The following MAP3K14 variants were observed in gnomAD, a reference collection of about 807,000 sequenced individuals.
MAP3K14 encodes mitogen-activated protein kinase kinase kinase 14, also known as NF-kappa-beta-inducing kinase.
MAP3K14 carries 16 observed loss-of-function variants against 99.2 expected under a neutral mutation model. That is an observed-to-expected ratio of 0.16 (90% CI 0.11 to 0.24). The LOEUF (loss-of-function observed/expected upper bound fraction) is 0.24, where lower values mean the gene tolerates loss of function less well. Ranked by LOEUF, MAP3K14 falls within the 10% of genes least tolerant of loss-of-function variation. The probability of loss-of-function intolerance (pLI) is 1.00; values close to 1 mark genes in which losing one functional copy is unlikely to be tolerated. For synonymous variants in MAP3K14, 462 were observed against 492.4 expected, an observed-to-expected ratio of 0.94 and a Z score of 0.82; for missense variants, 784 against 1,208.7, an observed-to-expected ratio of 0.65 and a Z score of 5.21.
rs546776472 is a variant in MAP3K14 at position 45,270,972 on chromosome 17, A to C, written c.1821+86T>G. ...CAGGCCTCCCCTTGCTCCATCTGCC[A>C]CCGCAGAGCAGCCCCTCCAGCCTGC... On this transcript the variant is annotated intron_variant, in intron 10 of 15. Coordinates refer to ENST00000344686, the MANE Select transcript of MAP3K14 (RefSeq NM_003954.5). 4.1e-5 allele frequency: 62 copies of C among 1,517,004 alleles called. No homozygotes were observed. In the South Asian group the frequency reaches 7.2e-4, roughly 18 times the overall value. The allele number at this position is 1,517,004 out of a possible 1,614,324, so 94.0% of individuals were successfully genotyped here. A position where few individuals can be genotyped will look rare whatever the true frequency, so the allele number is the denominator to read the frequency against.
intron 1 of MAP3K14, among the ~76,000 whole-genome samples, chr17:45,300,619 C>T (rs1461496352): frequency 6.6e-6 from 1 of 152,138 alleles, no homozygotes; most frequent in Non-Finnish European, 1.5e-5. Flanking sequence ...CAGGAAGTTC[C>T]TCCCATCAGC....
At chr17:45,311,620 T>TC (rs1393318812) in intron 1 of MAP3K14, among the ~76,000 whole-genome samples, 1 of 152,140 alleles carries the variant, frequency 6.6e-6, no homozygotes, top group East Asian at 1.9e-4. Context: ...CAAATCCTGG[T>TC]CCTAGAAGTG....
chr17:45,303,644 C>T (rs2143858441), intron 1 of MAP3K14, among the ~76,000 whole-genome samples: 1 of 152,224 alleles, frequency 6.6e-6, no homozygotes, highest in South Asian at 2.1e-4. Flanking sequence ...AAAATCCCGG[C>T]ACCGTCCCGT....
chr17:45,283,227 A>T (rs1339657513), intron 6 of MAP3K14, among the ~76,000 whole-genome samples: 1 of 152,076 alleles, frequency 6.6e-6, no homozygotes, highest in Non-Finnish European at 1.5e-5. Context: ...CTCTCCTCCC[A>T]CCACCTCTCA....
chr17:45,266,960 C>T (rs1438449456), intron 13 of MAP3K14, 132 bp downstream of exon 13: 2 of 737,232 alleles, frequency 2.7e-6, no homozygotes, highest in African/African-American at 3.5e-5. Context: ...AGGGGTGACC[C>T]CCATCACCCT....
At chr17:45,293,947 C>A (rs528623521) in intron 1 of MAP3K14, among the ~76,000 whole-genome samples, 1 of 152,260 alleles carries the variant, frequency 6.6e-6, no homozygotes, top group Non-Finnish European at 1.5e-5. Context: ...TCCAGGACTA[C>A]TGGCCAGGGG....
intron 1 of MAP3K14, among the ~76,000 whole-genome samples, chr17:45,301,687 A>G (rs1468295079): frequency 1.3e-5 from 2 of 152,290 alleles, no homozygotes; most frequent in East Asian, 3.9e-4. Context: ...GGTATATTAC[A>G]ATGATATTTA....
rs773921651 is a variant in MAP3K14, at chr17:45,273,536, G to C, written c.1624C>G (p.Gln542Glu). ...LCDFGHAVCL[Q>E]PDGLGKSLLT... is the part of the protein sequence containing the mutation. The stretch of plus-strand genomic sequence containing the variant: ...AAGGACTTTCCCAGGCCATCAGGTT[G>C]AAGACACACAGCATGGCCAAAGTCA... The change falls in exon 9 of 16, where the codon CAA becomes GAA. Residue 542 changes from glutamine (Q) to glutamate (E), a missense_variant. Gln to Glu is a conservative substitution (Grantham distance 29). Around this residue, in one of 5 missense-constraint regions of MAP3K14, gnomAD observed 200 missense variants for 367.9 expected, o/e 0.54. Transcript: ENST00000344686. 1 of 1,613,312 alleles carries C rather than the reference G, an allele frequency of 6.2e-7. No homozygotes were observed.
chr17:45,270,987 C>T, intron 10 of MAP3K14, 71 bp downstream of exon 10: 2 of 1,552,372 alleles, frequency 1.3e-6, no homozygotes, highest in Non-Finnish European at 8.7e-7. Context: ...AGAGCAGCCC[C>T]TCCAGCCTGC....
chr17:45,306,955 T>C (rs2044435069), intron 1 of MAP3K14, among the ~76,000 whole-genome samples: 1 of 152,186 alleles, frequency 6.6e-6, no homozygotes. Context: ...GTTTAATGTA[T>C]ATTGTATAAA....
At chr17:45,266,054 G>C (rs1012032278) in intron 14 of MAP3K14, among the ~76,000 whole-genome samples, 3 of 152,256 alleles carry the variant, frequency 2.0e-5, no homozygotes, top group African/African-American at 7.2e-5. Flanking sequence ...CCAAGCTGAT[G>C]ATGCCCTTGT....
In MAP3K14 at chr17:45,264,853, T is replaced by C. The variant is rs573236493; in HGVS notation, c.2680-53A>G. The C allele has an allele frequency of 1.9e-5, 30 of 1,575,480 alleles. 1 individual carries two copies. Among genetic ancestry groups the C allele is most frequent in the African/African-American group, 5.4e-5 (4 of 74,150 alleles). ...AGATCATGGCATAGGGCTCAAGCCA[T>C]GTAGAAAGGTAAAGACATCTCCTTC... is the stretch of plus-strand genomic sequence containing the variant. On this transcript the variant is annotated intron_variant, in intron 15 of 15. Coordinates refer to ENST00000344686, the MANE Select transcript of MAP3K14 (RefSeq NM_003954.5).
intron 6 of MAP3K14, among the ~76,000 whole-genome samples, chr17:45,279,120 C>T (rs1567991750): frequency 1.3e-5 from 2 of 152,208 alleles, no homozygotes; most frequent in African/African-American, 4.8e-5. Context: ...GAACTTCCCT[C>T]TTGTTTTCTT....
chr17:45,273,742 A>T (rs1317450612), intron 8 of MAP3K14, 135 bp from the exon 9 acceptor site: 1 of 731,334 alleles, frequency 1.4e-6, no homozygotes, highest in Admixed American at 2.0e-5. Flanking sequence ...GCTTCTGATT[A>T]GTTTCATTAA....
intron 1 of MAP3K14, among the ~76,000 whole-genome samples, chr17:45,301,129 C>T (rs924743515): frequency 1.3e-5 from 2 of 149,922 alleles, no homozygotes; most frequent in Admixed American, 6.6e-5. Context: ...GATTACGCCA[C>T]TGCACTCCAG....
intron 1 of MAP3K14, among the ~76,000 whole-genome samples, chr17:45,315,968 G>T (rs1214874164): frequency 6.6e-6 from 1 of 152,034 alleles, no homozygotes; most frequent in African/African-American, 2.4e-5. Context: ...CATTTTTCTT[G>T]GAATAAACTC....
At chr17:45,270,785 C>A in intron 10 of MAP3K14, 1 of 772,070 alleles carries the variant, frequency 1.3e-6, no homozygotes, top group Non-Finnish European at 2.0e-6. Context: ...CGCCCACAGC[C>A]TCCAGGCCCG....
chr17:45,263,740 G>A lies in MAP3K14; in HGVS notation c.*896C>T, dbSNP rs2044040840. 6.5e-6 allele frequency: 1 copy of A among 152,688 alleles called. No individual in the cohort carries two copies. The highest frequency in any genetic ancestry group is 1.9e-4 in the East Asian group (1 of 5,204). The allele number at this position is 152,688 out of a possible 1,614,324, so 9.5% of individuals were successfully genotyped here. On this transcript the variant is annotated 3_prime_UTR_variant, in exon 16 of 16. Transcript: ENST00000344686. ...CACTGATAGTGGGGCTGGGGCGCCG[G>A]AGCGTCTCTCTCTGCTGCTTTCCTT...
chr17:45,299,789 C>A (rs1185943137), intron 1 of MAP3K14, among the ~76,000 whole-genome samples: 5 of 152,124 alleles, frequency 3.3e-5, no homozygotes, highest in Non-Finnish European at 5.9e-5. Flanking sequence ...ATCTGACATG[C>A]CCTCAAAAAC....
Sources: allele counts gnomAD v4.1 joint callset (sites outside exome capture counted in the v4.1 genomes callset), GRCh38; gene constraint gnomAD v4.1.1; regional missense constraint gnomAD v4.1.1; transcripts MANE v1.5; gene names NCBI Gene and HGNC (gene_info 2026-07-23, HGNC 2026-07-21).